Variants in PIP5K1B observed in about 807,000 individuals in gnomAD.
PIP5K1B encodes phosphatidylinositol-4-phosphate 5-kinase type 1 beta, also known as phosphatidylinositol 4-phosphate 5-kinase type-1 beta.
Under a neutral mutation model 67.0 loss-of-function variants are expected in PIP5K1B, and 42 were observed. The ratio of observed to expected loss-of-function variants is 0.63; its 90% CI spans 0.49 to 0.81. The LOEUF is 0.81. PIP5K1B is among the 30% of genes least tolerant of loss of function. PIP5K1B has a pLI of 0.00. For missense variants in PIP5K1B, 459 were observed against 646.3 expected, an observed-to-expected ratio of 0.71 and a Z score of 3.14; for synonymous variants, 214 against 231.4, an observed-to-expected ratio of 0.92 and a Z score of 0.68.
At chr9:68,780,085 A>AGCGGCG in intron 2 of PIP5K1B, 1 of 1,424,352 alleles carries the variant, frequency 7.0e-7, no homozygotes, top group African/African-American at 1.5e-5. Context: ...TGGCGGCGGC[A>AGCGGCG]GCGGCGGCGG....
At chr9:68,926,632 C>A (rs1314641021) in intron 12 of PIP5K1B, among the ~76,000 whole-genome samples, 1 of 151,978 alleles carries the variant, frequency 6.6e-6, no homozygotes, top group Non-Finnish European at 1.5e-5. Flanking sequence ...AGTGCAATGG[C>A]GCAATCTTGG....
intron 15 of PIP5K1B, among the ~76,000 whole-genome samples, chr9:68,993,837 A>C (rs1335892422): frequency 1.3e-5 from 2 of 152,098 alleles, no homozygotes; most frequent in Non-Finnish European, 2.9e-5. Context: ...CCAAAACTCA[A>C]ATTCAGCTCC....
At chr9:68,828,107 A>G (rs75564459) in intron 4 of PIP5K1B, among the ~76,000 whole-genome samples, 46 of 152,344 alleles carry the variant, frequency 3.0e-4, no homozygotes, top group African/African-American at 1.1e-3. Context: ...TCCCAACACC[A>G]GGGCCTTGAC....
chr9:68,838,067 T>C (rs1821721296), intron 4 of PIP5K1B, among the ~76,000 whole-genome samples: 1 of 151,954 alleles, frequency 6.6e-6, no homozygotes, highest in South Asian at 2.1e-4. Flanking sequence ...ATTAATGTTT[T>C]GAGGTTTTTT....
Position 68,729,994 on chromosome 9 carries a change from AT to A in PIP5K1B, c.-242-12506del, listed in dbSNP as rs568409346. Among the ~76,000 whole-genome samples the A allele has an allele frequency of 1.6e-4, 24 of 152,294 alleles. No homozygotes were observed. The East Asian group carries it at 4.6e-3, about 29-fold the overall frequency. ...TCATGAAAGGCTAAAAATGACTTCGATATCTAACATTTGGGGAAATGATTAA... is the reference window on the plus strand; with the variant it reads ...TCATGAAAGGCTAAAAATGACTTCGAATCTAACATTTGGGGAAATGATTAA... On this transcript the variant is annotated intron_variant, in intron 1 of 15. Coordinates refer to ENST00000265382, the MANE Select transcript of PIP5K1B (RefSeq NM_003558.4).
At chr9:68,962,862 A>G (rs1828824307) in intron 14 of PIP5K1B, among the ~76,000 whole-genome samples, 1 of 152,166 alleles carries the variant, frequency 6.6e-6, no homozygotes, top group Admixed American at 6.5e-5. Context: ...GCAATTCTAA[A>G]TTGTCTCCTT....
At chr9:68,846,460 C>T (rs1307381142) in intron 4 of PIP5K1B, among the ~76,000 whole-genome samples, 1 of 152,190 alleles carries the variant, frequency 6.6e-6, no homozygotes, top group African/African-American at 2.4e-5. Context: ...CCATTTTCCT[C>T]ATCCCTTCTT....
chr9:68,798,268 G>C (rs1832403745), intron 2 of PIP5K1B, among the ~76,000 whole-genome samples: 1 of 152,158 alleles, frequency 6.6e-6, no homozygotes, highest in Admixed American at 6.5e-5. Context: ...ATGGTTGTAA[G>C]ATTGTTCACT....
intron 7 of PIP5K1B, among the ~76,000 whole-genome samples, chr9:68,891,755 A>G (rs1453911451): frequency 6.6e-6 from 1 of 152,220 alleles, no homozygotes; most frequent in Non-Finnish European, 1.5e-5. Context: ...TTTAGAAGTG[A>G]TATGACTCCA....
chr9:68,978,994 T>C (rs1829765376), intron 14 of PIP5K1B, among the ~76,000 whole-genome samples: 3 of 152,256 alleles, frequency 2.0e-5, no homozygotes, highest in Admixed American at 1.3e-4. Context: ...TTTCTGTTGT[T>C]GTGCTTTAAC....
intron 1 of PIP5K1B, among the ~76,000 whole-genome samples, chr9:68,730,892 A>T (rs1828392504): frequency 6.6e-6 from 1 of 152,242 alleles, no homozygotes; most frequent in Non-Finnish European, 1.5e-5. Flanking sequence ...TAGAATTTTG[A>T]ATACAGTTAT....
chr9:68,807,531 C>G (rs116198907), intron 2 of PIP5K1B, among the ~76,000 whole-genome samples: 2,009 of 152,280 alleles, frequency 0.013, 42 homozygotes, highest in African/African-American at 0.046. Flanking sequence ...GGCAGGGTAA[C>G]TATCAGCTGT....
chr9:68,778,139 AC>A (rs1322170647), intron 2 of PIP5K1B, among the ~76,000 whole-genome samples: 1 of 152,224 alleles, frequency 6.6e-6, no homozygotes, highest in Non-Finnish European at 1.5e-5. Context: ...TTCAGAAAAA[AC>A]AATACAGGTT....
chr9:68,857,597 G>A (rs1007150951), intron 4 of PIP5K1B, among the ~76,000 whole-genome samples: 37 of 152,296 alleles, frequency 2.4e-4, no homozygotes, highest in African/African-American at 7.2e-4. Flanking sequence ...CAGGTGTGGC[G>A]GCTCACGCCT....
At chr9:68,880,340 G>T (rs1267424000) in intron 6 of PIP5K1B, among the ~76,000 whole-genome samples, 1 of 152,128 alleles carries the variant, frequency 6.6e-6, no homozygotes, top group Non-Finnish European at 1.5e-5. Flanking sequence ...ATCACCTGAG[G>T]TCAGGAGTTC....
chr9:68,947,947 A>C lies in PIP5K1B; in HGVS notation c.1502+7157A>C, dbSNP rs1434955305. 2.6e-5 allele frequency among the ~76,000 whole-genome samples: 4 copies of C among 152,340 alleles called. No individual in the cohort carries two copies. The East Asian group carries it at 7.7e-4, about 29-fold the overall frequency. On this transcript the variant is annotated intron_variant, in intron 14 of 15. Coordinates refer to ENST00000265382, the MANE Select transcript of PIP5K1B (RefSeq NM_003558.4). ...CAAGTGAGACTCCCTCTGATAAGGC[A>C]GGTGACACAGTTTGGGAGCAGATAG... is the stretch of plus-strand genomic sequence containing the variant.
chr9:68,821,009 G>C (rs960041969), intron 3 of PIP5K1B, among the ~76,000 whole-genome samples: 3 of 152,218 alleles, frequency 2.0e-5, no homozygotes, highest in Non-Finnish European at 4.4e-5. Context: ...TGGGCACAGT[G>C]CCTCATGCCT....
chr9:68,914,700 G>C (rs1307675505), intron 8 of PIP5K1B, among the ~76,000 whole-genome samples: 2 of 151,876 alleles, frequency 1.3e-5, no homozygotes, highest in Admixed American at 1.3e-4. Flanking sequence ...GGGCAACAGA[G>C]CAAGACTCCA....
At chr9:68,773,250 AATGGATTAATCCTTCAAGGGAAGG>A (rs1178585843) in intron 2 of PIP5K1B, among the ~76,000 whole-genome samples, 1 of 152,196 alleles carries the variant, frequency 6.6e-6, no homozygotes, top group Non-Finnish European at 1.5e-5. Flanking sequence ...CCCCTTGGCA[AATGGATTAATCCTTCAAGGGAAGG>A]ATAGTAGACA....
Sources: allele counts gnomAD v4.1 joint callset (sites outside exome capture counted in the v4.1 genomes callset), GRCh38; gene constraint gnomAD v4.1.1; transcripts MANE v1.5; gene names NCBI Gene and HGNC (gene_info 2026-07-23, HGNC 2026-07-21).